CADM2: variants seen among roughly 807,000 people sequenced by gnomAD.
CADM2 encodes immunoglobulin superfamily member 4D.
In CADM2, 12 loss-of-function variants were observed where a neutral mutation model predicts 49.8. The ratio of observed to expected loss-of-function variants is 0.24; its 90% CI spans 0.15 to 0.39. CADM2 has a LOEUF of 0.39. CADM2 is among the 10% of genes least tolerant of loss of function. The pLI is 1.00. For synonymous variants in CADM2, 214 were observed against 175.4 expected (o/e 1.22, Z -1.74); for missense variants, 378 against 492.3 (o/e 0.77, Z 2.20).
intron 1 of CADM2, among the ~76,000 whole-genome samples, chr3:85,434,107 G>A (rs1038568584): frequency 2.0e-4 from 31 of 151,814 alleles, no homozygotes; most frequent in Non-Finnish European, 4.0e-4. Flanking sequence ...TCACTCTTAT[G>A]ATATTTACCT....
chr3:85,983,442 T>C (rs984303276), intron 8 of CADM2, among the ~76,000 whole-genome samples: 2 of 151,700 alleles, frequency 1.3e-5, no homozygotes, highest in Non-Finnish European at 3.0e-5. Context: ...CCTTCGACGG[T>C]GCACCAAATT....
At chr3:85,096,178 T>C (rs1159348254) in intron 1 of CADM2, among the ~76,000 whole-genome samples, 11 of 152,154 alleles carry the variant, frequency 7.2e-5, no homozygotes, top group Admixed American at 3.3e-4. Flanking sequence ...TCAAAGTTAA[T>C]TTATCTATAT....
intron 2 of CADM2, among the ~76,000 whole-genome samples, chr3:85,768,051 A>G (rs2069754816): frequency 6.6e-6 from 1 of 152,148 alleles, no homozygotes; most frequent in Admixed American, 6.6e-5. Context: ...TCTTTCTTAC[A>G]TAGATTAGCT....
At chr3:85,789,339 G>C (rs573596201) in intron 2 of CADM2, among the ~76,000 whole-genome samples, 52 of 152,214 alleles carry the variant, frequency 3.4e-4, no homozygotes, top group African/African-American at 1.2e-3. Flanking sequence ...AGTAAAGCTA[G>C]TCAGTTCTAG....
intron 8 of CADM2, among the ~76,000 whole-genome samples, chr3:86,056,804 G>A (rs114141621): frequency 6.6e-6 from 1 of 152,284 alleles, no homozygotes; most frequent in South Asian, 2.1e-4. Flanking sequence ...AAAACGTTGT[G>A]AATAGGAAAC....
chr3:85,765,223 G>A (rs1301016530), intron 2 of CADM2, among the ~76,000 whole-genome samples: 3 of 152,008 alleles, frequency 2.0e-5, no homozygotes, highest in Admixed American at 6.6e-5. Flanking sequence ...AATTACTTTT[G>A]TAAAGAAGAC....
chr3:85,865,885 T>C (rs9863150), intron 3 of CADM2, among the ~76,000 whole-genome samples: 74,442 of 152,042 alleles, frequency 0.49, 18,667 homozygotes, highest in African/African-American at 0.6. Flanking sequence ...TCAAGAAATA[T>C]GACATTTCAG....
chr3:85,339,699 A>G (rs1379668780), intron 1 of CADM2, among the ~76,000 whole-genome samples: 1 of 151,476 alleles, frequency 6.6e-6, no homozygotes, highest in Non-Finnish European at 1.5e-5. Flanking sequence ...AACTGCTACT[A>G]GGAAATTAAC....
intron 1 of CADM2, among the ~76,000 whole-genome samples, chr3:85,418,934 T>C (rs967934852): frequency 5.3e-5 from 8 of 150,778 alleles, no homozygotes; most frequent in Non-Finnish European, 1.5e-5. Flanking sequence ...CCTACCTTTC[T>C]AATTTTTAAA....
intron 1 of CADM2, among the ~76,000 whole-genome samples, chr3:85,334,565 G>A (rs2045025705): frequency 6.6e-6 from 1 of 151,482 alleles, no homozygotes; most frequent in Non-Finnish European, 1.5e-5. Context: ...ATATTAATGG[G>A]TAATCAACTT....
intron 5 of CADM2, among the ~76,000 whole-genome samples, chr3:85,903,225 T>A (rs1486581899): frequency 6.6e-6 from 1 of 152,138 alleles, no homozygotes; most frequent in East Asian, 1.9e-4. Context: ...CTGATTATTA[T>A]TTTTTAATCA....
At chr3:85,401,055 C>T (rs758766649) in intron 1 of CADM2, among the ~76,000 whole-genome samples, 1 of 152,162 alleles carries the variant, frequency 6.6e-6, no homozygotes. Flanking sequence ...ATGATGATTT[C>T]CTTTTGAAAA....
intron 1 of CADM2, among the ~76,000 whole-genome samples, chr3:85,650,068 G>A (rs957149090): frequency 1.3e-5 from 2 of 151,956 alleles, no homozygotes; most frequent in African/African-American, 4.8e-5. Flanking sequence ...GCTCTTTAAG[G>A]TGGTCATTTT....
At chr3:85,490,976 T>C (rs1302050060) in intron 1 of CADM2, among the ~76,000 whole-genome samples, 3 of 152,212 alleles carry the variant, frequency 2.0e-5, no homozygotes, top group Admixed American at 6.5e-5. Context: ...AGGGCATCTT[T>C]AGATATTTAA....
chr3:86,013,006 A>G, intron 8 of CADM2: 2 of 947,440 alleles, frequency 2.1e-6, no homozygotes, highest in Non-Finnish European at 1.7e-6. Flanking sequence ...CAGCTAAATA[A>G]ACATTATCGA....
chr3:86,007,253 A>G (rs545327015), intron 8 of CADM2, among the ~76,000 whole-genome samples: 1 of 152,152 alleles, frequency 6.6e-6, no homozygotes, highest in East Asian at 1.9e-4. Flanking sequence ...GCCTCTATTC[A>G]AAGCAGATTT....
intron 1 of CADM2, among the ~76,000 whole-genome samples, chr3:85,120,860 A>C (rs957622205): frequency 4.6e-5 from 7 of 152,214 alleles, no homozygotes; most frequent in Non-Finnish European, 4.4e-5. Flanking sequence ...ATTGCTCTGC[A>C]TCTCCAGAAA....
At chr3:85,495,477 C>G (rs1214026538) in intron 1 of CADM2, among the ~76,000 whole-genome samples, 1 of 151,966 alleles carries the variant, frequency 6.6e-6, no homozygotes, top group Non-Finnish European at 1.5e-5. Context: ...GGAGGAAAGC[C>G]CTAAAATTAT....
intron 1 of CADM2, among the ~76,000 whole-genome samples, chr3:85,097,730 G>A (rs1006931153): frequency 2.6e-5 from 4 of 152,154 alleles, no homozygotes; most frequent in African/African-American, 9.7e-5. Context: ...TCACACTCGT[G>A]ATCTCTTCAT....
Sources: allele counts gnomAD v4.1 joint callset (sites outside exome capture counted in the v4.1 genomes callset), GRCh38; gene constraint gnomAD v4.1.1; transcripts MANE v1.5; gene names NCBI Gene and HGNC (gene_info 2026-07-23, HGNC 2026-07-21).